ADGRL2: variants seen among roughly 807,000 people sequenced by gnomAD.
ADGRL2 encodes adhesion G protein-coupled receptor L2.
A neutral mutation model predicts 157.4 loss-of-function variants in ADGRL2; 44 were observed. The observed-to-expected ratio is 0.28, with a 90% CI of 0.22 to 0.36. The LOEUF is 0.36. Ranked by LOEUF, ADGRL2 falls within the 10% of genes least tolerant of loss-of-function variation. The pLI, the probability that ADGRL2 is intolerant of heterozygous loss-of-function variation, is 1.00. For missense variants in ADGRL2, 1,510 were observed against 1,768.9 expected (o/e 0.85, Z 2.63); for synonymous variants, 585 against 624.7 (o/e 0.94, Z 0.95).
At chr1:81,386,901 G>A (rs1219836092) in intron 1 of ADGRL2, among the ~76,000 whole-genome samples, 1 of 151,886 alleles carries the variant, frequency 6.6e-6, no homozygotes, top group Non-Finnish European at 1.5e-5. Flanking sequence ...ATCTCTACCT[G>A]TTTTCAATGC....
intron 1 of ADGRL2, among the ~76,000 whole-genome samples, chr1:81,310,055 C>T (rs1659637769): frequency 6.6e-6 from 1 of 152,098 alleles, no homozygotes; most frequent in African/African-American, 2.4e-5. Context: ...TTTTCCTTAC[C>T]TTTCACTGCA....
chr1:81,486,083 G>A (rs1418125397), intron 2 of ADGRL2, among the ~76,000 whole-genome samples: 4 of 152,188 alleles, frequency 2.6e-5, no homozygotes, highest in Non-Finnish European at 5.9e-5. Flanking sequence ...TCCACAAAAG[G>A]AAGGGATTGT....
At chr1:81,637,741 C>T (rs2082141473) in intron 3 of ADGRL2, among the ~76,000 whole-genome samples, 1 of 152,100 alleles carries the variant, frequency 6.6e-6, no homozygotes, top group Admixed American at 6.5e-5. Context: ...AATCAGTCCA[C>T]ACATGTTTCA....
At chr1:81,482,077 G>A (rs1393780896) in intron 2 of ADGRL2, among the ~76,000 whole-genome samples, 1 of 152,112 alleles carries the variant, frequency 6.6e-6, no homozygotes, top group Admixed American at 6.5e-5. Flanking sequence ...AAGGTTAAAA[G>A]TTGCCTTGAA....
intron 3 of ADGRL2, among the ~76,000 whole-genome samples, chr1:81,649,758 T>A (rs1570732963): frequency 6.6e-6 from 1 of 152,308 alleles, no homozygotes; most frequent in East Asian, 1.9e-4. Flanking sequence ...TTAAGTAATT[T>A]GCCCAAGGTC....
intron 3 of ADGRL2, among the ~76,000 whole-genome samples, chr1:81,627,088 T>TATC (rs760498275): frequency 2.6e-5 from 4 of 151,502 alleles, no homozygotes; most frequent in Non-Finnish European, 5.9e-5. Flanking sequence ...AAATGTTAGC[T>TATC]ATTATTATTA....
intron 2 of ADGRL2, among the ~76,000 whole-genome samples, chr1:81,504,465 C>CT (rs1411608749): frequency 1.3e-5 from 2 of 151,954 alleles, no homozygotes; most frequent in African/African-American, 4.8e-5. Context: ...TCTCTGAAAT[C>CT]TTTTTTATAT....
chr1:81,952,951 T>C, intron 9 of ADGRL2, 36 bp from the exon 10 acceptor site: 1 of 1,566,462 alleles, frequency 6.4e-7, no homozygotes, highest in Non-Finnish European at 8.8e-7. Flanking sequence ...CAGATAAAAA[T>C]CTAACCTCTG....
intron 1 of ADGRL2, among the ~76,000 whole-genome samples, chr1:81,336,655 G>A (rs1463945384): frequency 6.6e-6 from 1 of 151,942 alleles, no homozygotes; most frequent in Non-Finnish European, 1.5e-5. Context: ...ACTCAGCTGG[G>A]GTGTCTGGAT....
chr1:81,904,726 G>A (rs1401001076), intron 2 of ADGRL2, among the ~76,000 whole-genome samples: 1 of 152,184 alleles, frequency 6.6e-6, no homozygotes, highest in Non-Finnish European at 1.5e-5. Context: ...TGGCCAACAT[G>A]GTGAAACCTT....
chr1:81,603,675 G>C (rs1480906544), intron 3 of ADGRL2, among the ~76,000 whole-genome samples: 1 of 152,162 alleles, frequency 6.6e-6, no homozygotes, highest in Non-Finnish European at 1.5e-5. Flanking sequence ...TACAGCTCAG[G>C]AAGAAAGGAC....
At chr1:81,767,851 T>C (rs1398576303) in intron 2 of ADGRL2, among the ~76,000 whole-genome samples, 2 of 116,746 alleles carry the variant, frequency 1.7e-5, no homozygotes, top group African/African-American at 3.6e-5. Flanking sequence ...TGAGATCCTG[T>C]CTCAAAAAAA....
intron 2 of ADGRL2, among the ~76,000 whole-genome samples, chr1:81,772,112 T>G (rs1002423871): frequency 2.0e-5 from 3 of 151,838 alleles, no homozygotes; most frequent in African/African-American, 7.3e-5. Context: ...TAGCTGGGCA[T>G]AGTGGCGGGC....
intron 23 of ADGRL2, among the ~76,000 whole-genome samples, chr1:81,988,784 A>T (rs2149522769): frequency 6.6e-6 from 1 of 152,182 alleles, no homozygotes; most frequent in South Asian, 2.1e-4. Context: ...TTTCTGAAGG[A>T]AACTGCATTT....
At chr1:81,540,384 T>G (rs1019609891) in intron 2 of ADGRL2, among the ~76,000 whole-genome samples, 11 of 152,220 alleles carry the variant, frequency 7.2e-5, no homozygotes, top group African/African-American at 2.7e-4. Flanking sequence ...AGACACTGAC[T>G]TAGACACTAC....
chr1:81,478,117 G>A (rs1016286799), intron 2 of ADGRL2, among the ~76,000 whole-genome samples: 1 of 151,880 alleles, frequency 6.6e-6, no homozygotes, highest in African/African-American at 2.4e-5. Context: ...GAAAGAGTCT[G>A]TGCTCAACAG....
At chr1:81,392,018 G>A (rs903238643) in intron 1 of ADGRL2, among the ~76,000 whole-genome samples, 2 of 152,082 alleles carry the variant, frequency 1.3e-5, no homozygotes, top group Non-Finnish European at 2.9e-5. Flanking sequence ...ATGGGAGAAC[G>A]TAAGTCACAA....
chr1:81,429,865 G>GT (rs1337665520), intron 1 of ADGRL2, among the ~76,000 whole-genome samples: 2 of 152,138 alleles, frequency 1.3e-5, no homozygotes, highest in African/African-American at 4.8e-5. Context: ...TTATATTGTT[G>GT]TTTTTTGTTT....
intron 21 of ADGRL2, among the ~76,000 whole-genome samples, chr1:81,985,973 G>A (rs1339292890): frequency 6.6e-6 from 1 of 151,948 alleles, no homozygotes; most frequent in Non-Finnish European, 1.5e-5. Flanking sequence ...GTACTGATTT[G>A]TAATACAAGT....
Sources: allele counts gnomAD v4.1 joint callset (sites outside exome capture counted in the v4.1 genomes callset), GRCh38; gene constraint gnomAD v4.1.1; transcripts MANE v1.5; gene names NCBI Gene and HGNC (gene_info 2026-07-23, HGNC 2026-07-21).